POR: variants seen among roughly 807,000 people sequenced by gnomAD.
POR encodes cytochrome p450 oxidoreductase.
In POR, 56 loss-of-function variants were observed where a neutral mutation model predicts 84.0. That is an observed-to-expected ratio of 0.67 (90% CI 0.54 to 0.83). The LOEUF is 0.83. Ranked by LOEUF, POR falls within the 40% of genes least tolerant of loss-of-function variation. POR has a pLI of 0.00. For synonymous variants in POR, 414 were observed against 400.5 expected (o/e 1.03, Z -0.40); for missense variants, 938 against 944.3 (o/e 0.99, Z 0.09).
chr7:75,979,338 A>C, intron 3 of POR, 113 bp from the exon 4 acceptor site: 1 of 1,290,720 alleles, frequency 7.7e-7, no homozygotes, highest in Non-Finnish European at 1.1e-6. Context: ...AAAGCCAGGA[A>C]GGAAAGGGGG....
rs782051816 is a variant in POR at position 75,983,657 on chromosome 7, C to T, written c.947+21C>T. The T allele has an allele frequency of 1.9e-6, 3 of 1,609,566 alleles. No homozygotes were observed. In the Admixed American group the frequency reaches 5.0e-5, roughly 27 times the overall value. On this transcript the variant is annotated intron_variant, in intron 9 of 15. Coordinates refer to ENST00000461988, the MANE Select transcript of POR (RefSeq NM_000941.3). The stretch of plus-strand genomic sequence containing the variant: ...ATCAGGTACCAGCTGCCACTGTCAC[C>T]CCCTGAACCCTCACTCTGGGCCTCC...
intron 1 of POR, among the ~76,000 whole-genome samples, chr7:75,921,417 G>A (rs1185744779): frequency 1.3e-5 from 2 of 151,524 alleles, no homozygotes; most frequent in East Asian, 2.0e-4. Flanking sequence ...GCGCGGCACC[G>A]CGCCCAGCTA....
At chr7:75,986,275 G>A (rs1554559413) in intron 15 of POR, 34 bp downstream of exon 15, 1 of 1,612,656 alleles carries the variant, frequency 6.2e-7, no homozygotes, top group South Asian at 1.1e-5. Context: ...TAGGGGGCAG[G>A]GAGGACAAGG....
intron 1 of POR, among the ~76,000 whole-genome samples, chr7:75,939,439 C>G (rs894628199): frequency 6.6e-6 from 1 of 151,736 alleles, no homozygotes; most frequent in Non-Finnish European, 1.5e-5. Flanking sequence ...CGGAGTACAT[C>G]TCTAGCACAT....
chr7:75,923,089 A>G (rs1806956069), intron 1 of POR: 2 of 735,524 alleles, frequency 2.7e-6, no homozygotes, highest in South Asian at 2.9e-5. Context: ...ACTTAAACCT[A>G]AAAATGCAGC....
At chr7:75,980,214 C>T (rs1225303900) in intron 4 of POR, 125 bp from the exon 5 acceptor site, 24 of 1,160,210 alleles carry the variant, frequency 2.1e-5, no homozygotes, top group Admixed American at 5.0e-5. Flanking sequence ...TCTGATCCCA[C>T]GACACTCAGA....
At chr7:75,917,032 TG>T (rs2116165278) in intron 1 of POR, among the ~76,000 whole-genome samples, 1 of 152,264 alleles carries the variant, frequency 6.6e-6, no homozygotes, top group South Asian at 2.1e-4. Context: ...GTGAAGTCCA[TG>T]GAACATTTCA....
chr7:75,937,316 C>A (rs112484735), intron 1 of POR, among the ~76,000 whole-genome samples: 9,020 of 144,276 alleles, frequency 0.063, 966 homozygotes, highest in African/African-American at 0.22. Flanking sequence ...AACAAAAAAA[C>A]CAAAAATTAG....
At position 75,985,983 on chromosome 7, in the gene POR, T is replaced by C. The variant is rs56256515; in HGVS notation, c.1730T>C (p.Leu577Pro). ...TGCCGCCGCTCGGATGAGGACTACC[T>C]GTACCGGGAGGAGCTGGCGCAGTTC... Residue 577 changes from leucine to proline, a missense_variant, in exon 14 of 16, where the codon CTG becomes CCG. Physicochemically the swap from Leu to Pro is moderately conservative, Grantham distance 98. Transcript: ENST00000461988. 1,742 of 1,582,022 alleles carry C rather than the reference T, an allele frequency of 1.1e-3. 1 individual carries two copies. The highest frequency in any genetic ancestry group is 1.4e-3 in the Non-Finnish European group (1,621 of 1,165,350).
chr7:75,960,281 A>G (rs1011767182), intron 2 of POR, among the ~76,000 whole-genome samples: 5 of 151,066 alleles, frequency 3.3e-5, no homozygotes, highest in African/African-American at 9.8e-5. Context: ...ACAGAGCAAG[A>G]CCCCCTCTCA....
chr7:75,918,307 G>GA lies in POR; in HGVS notation c.-5+3137dup, dbSNP rs376268688. Among the ~76,000 whole-genome samples the GA allele has an allele frequency of 4.1e-3, 618 of 151,086 alleles. 4 individuals carry two copies. Among genetic ancestry groups the GA allele is most frequent in the African/African-American group, 0.012 (479 of 41,216 alleles). ...GGTGACAGAGTGAGACTCTGTCTCA[G>GA]AAAAAAAAACCCAAAAAACAACAAC... is the stretch of plus-strand genomic sequence containing the variant. On this transcript the variant is annotated intron_variant, in intron 1 of 15. Coordinates refer to ENST00000461988, the MANE Select transcript of POR (RefSeq NM_000941.3).
chr7:75,977,752 T>A (rs1300869140), intron 3 of POR, among the ~76,000 whole-genome samples: 1 of 152,016 alleles, frequency 6.6e-6, no homozygotes. Context: ...CACTCCAATC[T>A]GGGCGTCAGA....
At chr7:75,950,011 T>C (rs1359247989) in intron 1 of POR, among the ~76,000 whole-genome samples, 2 of 151,978 alleles carry the variant, frequency 1.3e-5, no homozygotes, top group Non-Finnish European at 2.9e-5. Context: ...TACAGGTGCC[T>C]GCCACCACGC....
intron 1 of POR, among the ~76,000 whole-genome samples, chr7:75,925,746 G>A (rs927338873): frequency 5.3e-5 from 8 of 152,212 alleles, no homozygotes; most frequent in African/African-American, 1.9e-4. Flanking sequence ...TTCAAGAACA[G>A]GAGTGTTCCC....
intron 5 of POR, 175 bp from the exon 6 acceptor site, chr7:75,980,873 A>G (rs1317810419): frequency 2.8e-6 from 3 of 1,072,720 alleles, no homozygotes; most frequent in Non-Finnish European, 3.9e-6. Flanking sequence ...CAACCAGATG[A>G]AGCCTCTTCA....
At chr7:75,944,894 G>A (rs990646877) in intron 1 of POR, among the ~76,000 whole-genome samples, 2 of 152,114 alleles carry the variant, frequency 1.3e-5, no homozygotes, top group African/African-American at 2.4e-5. Flanking sequence ...AATGAACAGA[G>A]CCTCAGGATT....
At chr7:75,916,731 A>C (rs1806587220) in intron 1 of POR, among the ~76,000 whole-genome samples, 1 of 152,208 alleles carries the variant, frequency 6.6e-6, no homozygotes, top group Admixed American at 6.5e-5. Flanking sequence ...TTGAAGAAAT[A>C]ATAGGTAGAT....
intron 3 of POR, chr7:75,972,903 AG>A (rs1429658973): frequency 4.2e-6 from 1 of 236,308 alleles, no homozygotes; most frequent in Non-Finnish European, 8.6e-6. Flanking sequence ...GTTCACTGCA[AG>A]CTCCACCTCC....
At chr7:75,957,491 G>T (rs1787738365) in intron 2 of POR, among the ~76,000 whole-genome samples, 2 of 152,002 alleles carry the variant, frequency 1.3e-5, no homozygotes, top group African/African-American at 2.4e-5. Context: ...CTGTAAAATG[G>T]AAGTTCCGCC....
Sources: gnomAD v4.1 joint callset for allele counts (sites outside exome capture counted in the v4.1 genomes callset) on GRCh38, gnomAD v4.1.1 for gene constraint, MANE v1.5 for transcripts, NCBI Gene and HGNC (gene_info 2026-07-23, HGNC 2026-07-21) for gene names.